The following CACNA1C variants were observed in gnomAD, a reference collection of about 807,000 sequenced individuals.
The protein encoded by CACNA1C is voltage-dependent L-type calcium channel subunit alpha-1C.
Under a neutral mutation model 229.0 loss-of-function variants are expected in CACNA1C, and 30 were observed. The observed-to-expected ratio is 0.13, with a 90% confidence interval of 0.10 to 0.18. The LOEUF (loss-of-function observed/expected upper bound fraction) is 0.18. Among genes scored for constraint, CACNA1C ranks in the 10% least tolerant of loss-of-function variants. CACNA1C has a pLI of 1.00. For synonymous variants in CACNA1C, 1,114 were observed against 1,132.5 expected (o/e 0.98, Z 0.33); for missense variants, 1,658 against 2,845.0 (o/e 0.58, Z 9.49).
chr12:2,571,701 T>C (rs1024887358), intron 13 of CACNA1C, among the ~76,000 whole-genome samples: 3 of 152,214 alleles, frequency 2.0e-5, no homozygotes, highest in African/African-American at 7.2e-5. Context: ...AATCATTGTC[T>C]AATTGAAAGT....
Position 2,194,250 on chromosome 12 carries a change from GCCTCCT to G in CACNA1C, c.477+73842_477+73847del, listed in dbSNP as rs56198094. On this transcript the variant is annotated intron_variant, in intron 3 of 46. Coordinates refer to ENST00000399655, the MANE Select transcript of CACNA1C (RefSeq NM_000719.7). ...CTACTCCTTTTGTTCCTCCTCCACT[GCCTCCT>G]CCTCCTCCTCCTCCTCCTCCTGCTC... Among the ~76,000 whole-genome samples the G allele has an allele frequency of 3.8e-3, 507 of 133,658 alleles. 2 individuals are homozygous for G. The highest frequency in any genetic ancestry group is 0.012 in the African/African-American group (417 of 34,456). 87.7% of individuals were successfully genotyped at this position (133,658 alleles called of 152,430 possible). A position where few individuals can be genotyped will look rare whatever the true frequency, so the allele number is the denominator to read the frequency against.
chr12:2,641,456 G>A (rs141498118), intron 30 of CACNA1C: 8 of 503,390 alleles, frequency 1.6e-5, no homozygotes, highest in Non-Finnish European at 2.1e-5. Flanking sequence ...ATCAAGTTCC[G>A]TGGTCTCAGG....
intron 3 of CACNA1C, among the ~76,000 whole-genome samples, chr12:2,415,778 C>T (rs910245956): frequency 2.6e-5 from 4 of 152,156 alleles, no homozygotes; most frequent in African/African-American, 9.7e-5. Flanking sequence ...CCATGGTGGC[C>T]TCGTCCCCCA....
intron 32 of CACNA1C, among the ~76,000 whole-genome samples, chr12:2,652,850 G>T (rs896888979): frequency 6.6e-6 from 1 of 151,984 alleles, no homozygotes; most frequent in African/African-American, 2.4e-5. Context: ...TCTGTACTTG[G>T]GTGCACGCGG....
intron 3 of CACNA1C, among the ~76,000 whole-genome samples, chr12:2,295,141 AC>A (rs1454888994): frequency 2.6e-5 from 4 of 151,208 alleles, no homozygotes; most frequent in Non-Finnish European, 5.9e-5. Flanking sequence ...TTCCTAAACC[AC>A]CCCGTGCCCT....
chr12:2,233,154 ATTCACATTTTGGTGCTAGCT>A (rs1460987006), intron 3 of CACNA1C, among the ~76,000 whole-genome samples: 5 of 152,174 alleles, frequency 3.3e-5, no homozygotes, highest in African/African-American at 1.2e-4. Context: ...TAGTGTGTTG[ATTCACATTTTGGTGCTAGCT>A]TCCTATCTCA....
Position 2,032,145 on chromosome 12 carries a change from A to C in CACNA1C, c.139+60944A>C, listed in dbSNP as rs374716674. 6.0e-4 allele frequency among the ~76,000 whole-genome samples: 92 copies of C among 152,104 alleles called. 1 individual carries two copies. In the South Asian group the frequency reaches 9.4e-3, roughly 16 times the overall value. ...GGCTTGCGGCAGTCTCGGTAACCGGAGGGGGCGGGCATGCTCTAAGGGAGC... is the reference window on the plus strand; with the variant it reads ...GGCTTGCGGCAGTCTCGGTAACCGGCGGGGGCGGGCATGCTCTAAGGGAGC... On this transcript the variant is annotated intron_variant, in intron 1 of 46. Transcript: ENST00000682462.
chr12:2,658,513 C>T (rs1332636121), intron 34 of CACNA1C, among the ~76,000 whole-genome samples: 1 of 152,178 alleles, frequency 6.6e-6, no homozygotes, highest in Non-Finnish European at 1.5e-5. Flanking sequence ...ATGGCCCATA[C>T]AATTATGTAC....
chr12:2,139,745 G>T (rs1441214425), intron 3 of CACNA1C, among the ~76,000 whole-genome samples: 1 of 151,280 alleles, frequency 6.6e-6, no homozygotes, highest in Non-Finnish European at 1.5e-5. Flanking sequence ...TAGCACCAAT[G>T]CCTCCTCATT....
intron 3 of CACNA1C, among the ~76,000 whole-genome samples, chr12:2,409,858 C>A (rs763383965): frequency 1.3e-5 from 2 of 152,118 alleles, no homozygotes; most frequent in African/African-American, 2.4e-5. Flanking sequence ...GTGGAGGCAA[C>A]GCAGGTGTGA....
intron 3 of CACNA1C, among the ~76,000 whole-genome samples, chr12:2,337,696 C>G (rs999741690): frequency 6.6e-6 from 1 of 152,160 alleles, no homozygotes; most frequent in Non-Finnish European, 1.5e-5. Flanking sequence ...TTAAATGCAC[C>G]CAGCCCCTTT....
chr12:2,437,159 C>G (rs1247134095), intron 3 of CACNA1C, among the ~76,000 whole-genome samples: 10 of 152,258 alleles, frequency 6.6e-5, no homozygotes, highest in Admixed American at 6.5e-4. Context: ...TCAGCTTTAG[C>G]TGGGTTACAC....
intron 4 of CACNA1C, among the ~76,000 whole-genome samples, chr12:2,450,541 G>A (rs925969782): frequency 1.6e-4 from 16 of 98,040 alleles, no homozygotes; most frequent in East Asian, 9.6e-4. Flanking sequence ...GCAACAGAGC[G>A]AGACTCCATC....
At position 2,053,626 on chromosome 12, in the gene CACNA1C, C is replaced by T. The variant is rs1232257949; in HGVS notation, c.49+15C>T. On this transcript the variant is annotated intron_variant, in intron 1 of 46. Transcript: ENST00000399655. The surrounding 1 kb of genome is among the most constrained non-coding windows in gnomAD (Gnocchi z 5.8). ...AAACCACCAAGGTAAGGCTGGACCC[C>T]GCCGCCTCGCCGGGGCTCCCTGCCT... The T allele has an allele frequency of 1.3e-6, 2 of 1,577,592 alleles. No individual in the cohort carries two copies. The highest frequency in any genetic ancestry group is 1.8e-5 in the Admixed American group (1 of 55,390).
chr12:2,104,451 C>G (rs1325154528), intron 1 of CACNA1C, among the ~76,000 whole-genome samples: 1 of 152,204 alleles, frequency 6.6e-6, no homozygotes, highest in South Asian at 2.1e-4. Context: ...AGTTGCTTAT[C>G]AGCTTAAGGA....
rs184095475 is a variant in CACNA1C, at chr12:2,679,840, G to A, written c.5444+44G>A. On this transcript the variant is annotated intron_variant, in intron 42 of 46. Coordinates refer to ENST00000399655, the MANE Select transcript of CACNA1C (RefSeq NM_000719.7). The surrounding 1 kb of genome is among the most constrained non-coding windows in gnomAD (Gnocchi z 5.5). ...ACCCCAGGCGGCACACAGGGCCCAC[G>A]TGCTGCAACCCTCAGGAGACAGTGG... 41 of 1,360,972 alleles carry A rather than the reference G, an allele frequency of 3.0e-5. 1 individual carries two copies. Among genetic ancestry groups the A allele is most frequent in the Middle Eastern group, 3.7e-4 (2 of 5,362 alleles). 84.3% of individuals were successfully genotyped at this position (1,360,972 alleles called of 1,614,324 possible).
chr12:1,979,888 G>A (rs2154464066), intron 1 of CACNA1C, among the ~76,000 whole-genome samples: 1 of 152,230 alleles, frequency 6.6e-6, no homozygotes, highest in African/African-American at 2.4e-5. Flanking sequence ...GCTCAATACA[G>A]TCTGTTGTTA....
At chr12:2,645,810 T>G (rs939135034) in intron 30 of CACNA1C, among the ~76,000 whole-genome samples, 1 of 152,194 alleles carries the variant, frequency 6.6e-6, no homozygotes, top group Non-Finnish European at 1.5e-5. Context: ...TGAGCGGTGG[T>G]AGAGGCAACA....
At chr12:2,443,731 C>T (rs2099250386) in intron 3 of CACNA1C, among the ~76,000 whole-genome samples, 2 of 152,178 alleles carry the variant, frequency 1.3e-5, no homozygotes, top group Non-Finnish European at 2.9e-5. Flanking sequence ...ACCAGAGGCA[C>T]GTGGGGCATC....
Sources: allele counts gnomAD v4.1 joint callset (sites outside exome capture counted in the v4.1 genomes callset), GRCh38; gene constraint gnomAD v4.1.1; non-coding constraint Gnocchi (gnomAD v3.1); transcripts MANE v1.5; gene names NCBI Gene and HGNC (gene_info 2026-07-23, HGNC 2026-07-21).